The following ZDHHC5 variants were observed in gnomAD, a reference collection of about 807,000 sequenced individuals.
ZDHHC5 encodes zDHHC palmitoyltransferase 5.
Under a neutral mutation model 70.0 loss-of-function variants are expected in ZDHHC5, and 22 were observed. That is an observed-to-expected ratio of 0.31 (90% confidence interval 0.22 to 0.45). The LOEUF (loss-of-function observed/expected upper bound fraction) is 0.45, where lower values mean the gene tolerates loss of function less well. Ranked by LOEUF, ZDHHC5 falls within the 20% of genes least tolerant of loss-of-function variation. ZDHHC5 has a pLI of 1.00. For synonymous variants in ZDHHC5, 313 were observed against 347.8 expected, an observed-to-expected ratio of 0.90 and a Z score of 1.11; for missense variants, 746 against 926.9, an observed-to-expected ratio of 0.80 and a Z score of 2.53.
At chr11:57,670,451 CAG>C (rs1464819664) in intron 1 of ZDHHC5, among the ~76,000 whole-genome samples, 2 of 147,560 alleles carry the variant, frequency 1.4e-5, no homozygotes, top group Admixed American at 6.8e-5. Flanking sequence ...GCCTGGGTGA[CAG>C]AGGGAAACTG....
intron 11 of ZDHHC5, among the ~76,000 whole-genome samples, 188 bp from the exon 12 acceptor site, chr11:57,699,678 G>A (rs560085540): frequency 6.6e-6 from 1 of 152,250 alleles, no homozygotes; most frequent in Non-Finnish European, 1.5e-5. Flanking sequence ...TTACTAGAGA[G>A]TAGTAGTACA....
intron 1 of ZDHHC5, among the ~76,000 whole-genome samples, chr11:57,670,006 G>T (rs1945984476): frequency 1.3e-5 from 2 of 152,002 alleles, no homozygotes. Context: ...AAAATTGCAT[G>T]GCCTTTCATG....
At chr11:57,699,540 C>G in intron 11 of ZDHHC5, 122 bp downstream of exon 11, 1 of 1,415,538 alleles carries the variant, frequency 7.1e-7, no homozygotes, top group Non-Finnish European at 9.4e-7. Context: ...CCTGGTAGCT[C>G]TTTATTTTCA....
rs776015908 is a variant in ZDHHC5, at chr11:57,700,026, G to C, written c.2143G>C (p.Val715Leu). Residue 715 changes from valine to leucine, a missense_variant, in exon 12 of 12, where the codon GTG (valine) becomes CTG (leucine). Around this residue, in one of 6 missense-constraint regions of ZDHHC5, gnomAD observed 340 missense variants for 350.1 expected, o/e 0.97. Coordinates refer to ENST00000287169, the MANE Select transcript of ZDHHC5 (RefSeq NM_015457.3). ...GVGGTTYEIS[V>L] ...TGGTGGTACCACCTATGAGATTTCG[G>C]TGTGAGCCTTCGGCACCTCCCCTCC... 1.9e-6 allele frequency: 3 copies of C among 1,576,984 alleles called. No homozygotes were observed. The East Asian group carries it at 6.7e-5, about 35-fold the overall frequency.
chr11:57,675,776 A>G (rs1445042763), intron 2 of ZDHHC5, among the ~76,000 whole-genome samples: 2 of 152,180 alleles, frequency 1.3e-5, no homozygotes, highest in Non-Finnish European at 2.9e-5. Flanking sequence ...CTGTAAGCAT[A>G]TATCTGGGCT....
chr11:57,693,533 G>T (rs1946312375), intron 7 of ZDHHC5, among the ~76,000 whole-genome samples: 1 of 152,150 alleles, frequency 6.6e-6, no homozygotes, highest in South Asian at 2.1e-4. Flanking sequence ...AAATCTTTGA[G>T]AATTGAGGGT....
intron 8 of ZDHHC5, among the ~76,000 whole-genome samples, 199 bp downstream of exon 8, chr11:57,694,114 C>T (rs930710339): frequency 6.6e-6 from 1 of 151,614 alleles, no homozygotes; most frequent in Non-Finnish European, 1.5e-5. Context: ...GCCTCAGCCT[C>T]CCGAGTAGCT....
intron 3 of ZDHHC5, among the ~76,000 whole-genome samples, chr11:57,686,832 TG>T (rs143972089): frequency 4.1e-5 from 5 of 120,508 alleles, no homozygotes; most frequent in Middle Eastern, 8.6e-3. Flanking sequence ...TGTGTGTGTG[TG>T]TTTTTTTTTT....
intron 2 of ZDHHC5, among the ~76,000 whole-genome samples, 160 bp from the exon 3 acceptor site, chr11:57,682,262 C>T (rs117728768): frequency 6.6e-6 from 1 of 152,318 alleles, no homozygotes; most frequent in Non-Finnish European, 1.5e-5. Flanking sequence ...AAACTAGACT[C>T]ACTTAGTGGG....
chr11:57,683,751 G>C (rs1038126501), intron 3 of ZDHHC5, among the ~76,000 whole-genome samples: 6 of 152,098 alleles, frequency 3.9e-5, no homozygotes, highest in Non-Finnish European at 7.4e-5. Context: ...TGAAAGAACT[G>C]AGGTTAGACC....
chr11:57,690,130 G>A lies in ZDHHC5; in HGVS notation c.484G>A (p.Gly162Ser). 6.2e-7 allele frequency: 1 copy of A among 1,613,982 alleles called. No homozygotes were observed. Among genetic ancestry groups the A allele is most frequent in the South Asian group, 1.1e-5 (1 of 91,058 alleles). The change falls in exon 5 of 12, where the codon GGT (glycine) becomes AGT (serine). Residue 162 changes from glycine (G) to serine (S), a missense_variant. By Grantham distance (56) the Gly-to-Ser change is moderately conservative (BLOSUM62 0). Around this residue, in one of 6 missense-constraint regions of ZDHHC5, gnomAD observed 114 missense variants for 179.3 expected, o/e 0.64. Transcript: ENST00000287169. ...CCTTTCCCTGACAGCCCACATTATG[G>A]GTGTGTTTGGCTTTGGCCTCCTTTA... The part of the protein sequence containing the change: ...FLLSLTAHIM[G>S]VFGFGLLYVL...
At position 57,693,370 on chromosome 11, in the gene ZDHHC5, G is replaced by A. The variant is rs1946309712; in HGVS notation, c.753-413G>A. Among the ~76,000 whole-genome samples the A allele has an allele frequency of 2.0e-5, 3 of 152,172 alleles. No individual in the cohort carries two copies. In the South Asian group the frequency reaches 6.2e-4, roughly 32 times the overall value. ...CTGATCTGACAGGAGATGGAGCTCA[G>A]GTGATAATGCTCACTGGCCCACTGC... On this transcript the variant is annotated intron_variant, in intron 7 of 11. Transcript: ENST00000287169.
In ZDHHC5 at chr11:57,699,013, G is replaced by T. The variant is rs145781238; in HGVS notation, c.1577G>T (p.Arg526Leu). ...PRLVPTGPTHREPSPVRYDNL... is the reference protein window; with the variant it reads ...PRLVPTGPTHLEPSPVRYDNL... Reference sequence around the variant, plus strand: ...TTGGTGCCAACTGGCCCAACACACCGAGAGCCCTCACCAGTCCGTTACGAC... The same window carrying T: ...TTGGTGCCAACTGGCCCAACACACCTAGAGCCCTCACCAGTCCGTTACGAC... Residue 526 changes from arginine to leucine, a missense_variant, in exon 11 of 12, where the codon CGA becomes CTA. Coordinates refer to ENST00000287169, the MANE Select transcript of ZDHHC5 (RefSeq NM_015457.3). 7.5e-6 allele frequency: 12 copies of T among 1,609,260 alleles called. No individual in the cohort carries two copies. The highest frequency in any genetic ancestry group is 1.0e-5 in the Non-Finnish European group (12 of 1,180,006).
In ZDHHC5 at chr11:57,672,114, T is replaced by A. The variant is rs183487765; in HGVS notation, c.-977T>A. 2.6e-4 allele frequency: 105 copies of A among 396,360 alleles called. No homozygotes were observed. Among genetic ancestry groups the A allele is most frequent in the Non-Finnish European group, 1.4e-4 (32 of 225,080 alleles). The allele number at this position is 396,360 out of a possible 1,614,324, so 24.6% of individuals were successfully genotyped here. On this transcript the variant is annotated 5_prime_UTR_variant, in exon 2 of 12. Coordinates refer to ENST00000287169, the MANE Select transcript of ZDHHC5 (RefSeq NM_015457.3). ...TGACTAGTCTGGAAACAGGGACATC[T>A]TTGGAACTTCGTTTTCATCCACAGT... is the stretch of plus-strand genomic sequence containing the variant.
intron 2 of ZDHHC5, among the ~76,000 whole-genome samples, chr11:57,678,643 G>A (rs1946106484): frequency 6.6e-6 from 1 of 151,874 alleles, no homozygotes; most frequent in African/African-American, 2.4e-5. Context: ...ACTTTGGGAG[G>A]CTGAGGCGGG....
At position 57,672,203 on chromosome 11, in the gene ZDHHC5, C is replaced by T. The variant is rs1203600037; in HGVS notation, c.-888C>T. The T allele has an allele frequency of 1.0e-5, 4 of 398,444 alleles. No homozygotes were observed. The highest frequency in any genetic ancestry group is 8.2e-5 in the African/African-American group (4 of 48,628). The allele number at this position is 398,444 out of a possible 1,614,324, so 24.7% of individuals were successfully genotyped here. A position where few individuals can be genotyped will look rare whatever the true frequency, so the allele number is the denominator to read the frequency against. On this transcript the variant is annotated 5_prime_UTR_variant, in exon 2 of 12. Transcript: ENST00000287169. ...ATCTTATTCTGCCTATTGGGAAGAA[C>T]ATGGCTTCAAGGATTTTAAGTTTCC...
chr11:57,684,067 T>G (rs201005818), intron 3 of ZDHHC5, among the ~76,000 whole-genome samples: 3 of 79,666 alleles, frequency 3.8e-5, no homozygotes, highest in Admixed American at 1.9e-4. Flanking sequence ...GACCCCCCCC[T>G]GGCTCAGGTG....
chr11:57,676,002 A>G (rs1311228556), intron 2 of ZDHHC5, among the ~76,000 whole-genome samples: 2 of 152,196 alleles, frequency 1.3e-5, no homozygotes, highest in African/African-American at 4.8e-5. Flanking sequence ...ACTAGGCTAC[A>G]ACTAGCTACA....
chr11:57,697,507 T>TG (rs1398021733), intron 10 of ZDHHC5, among the ~76,000 whole-genome samples: 8 of 140,148 alleles, frequency 5.7e-5, no homozygotes, highest in South Asian at 2.3e-4. Context: ...CTGGGCGTGG[T>TG]GGGGGGGCAC....
Sources: gnomAD v4.1 joint callset for allele counts (sites outside exome capture counted in the v4.1 genomes callset) on GRCh38, gnomAD v4.1.1 for gene constraint, gnomAD v4.1.1 regional missense constraint, MANE v1.5 for transcripts, NCBI Gene and HGNC (gene_info 2026-07-23, HGNC 2026-07-21) for gene names.